CCNY: variants seen among roughly 807,000 people sequenced by gnomAD.
CCNY encodes the protein cyclin Y.
CCNY carries 19 observed loss-of-function variants against 42.8 expected under a neutral mutation model. The observed-to-expected ratio is 0.44, with a 90% CI of 0.31 to 0.65. The LOEUF (loss-of-function observed/expected upper bound fraction) is 0.65, where lower values mean the gene tolerates loss of function less well. Among genes scored for constraint, CCNY ranks in the 30% least tolerant of loss-of-function variants. CCNY has a pLI of 0.07. For synonymous variants in CCNY, 165 were observed against 162.7 expected (o/e 1.01, Z -0.11); for missense variants, 370 against 437.3 (o/e 0.85, Z 1.37).
At chr10:35,412,089 G>A (rs983246650) in intron 1 of CCNY, among the ~76,000 whole-genome samples, 1 of 152,136 alleles carries the variant, frequency 6.6e-6, no homozygotes, top group Admixed American at 6.5e-5. Flanking sequence ...GTGCAAGGTG[G>A]GGAAGATGCC....
At chr10:35,286,764 ATCT>A (rs1466474426) in intron 3 of CCNY, among the ~76,000 whole-genome samples, 1 of 150,242 alleles carries the variant, frequency 6.7e-6, no homozygotes, top group Non-Finnish European at 1.5e-5. Context: ...GGTTCAAGAG[ATCT>A]TCTCATCTCA....
At chr10:35,255,355 C>G (rs1474887808) in intron 3 of CCNY, among the ~76,000 whole-genome samples, 1 of 149,398 alleles carries the variant, frequency 6.7e-6, no homozygotes. Flanking sequence ...GAGTCCCGCT[C>G]TGTCACCCAG....
At chr10:35,294,860 T>TA (rs1346596000) in intron 3 of CCNY, among the ~76,000 whole-genome samples, 2 of 152,212 alleles carry the variant, frequency 1.3e-5, no homozygotes, top group African/African-American at 4.8e-5. Context: ...ACAAGTGAAG[T>TA]TACCTGGGCC....
intron 3 of CCNY, among the ~76,000 whole-genome samples, chr10:35,308,906 G>A (rs1198102896): frequency 6.6e-6 from 1 of 152,112 alleles, no homozygotes; most frequent in Non-Finnish European, 1.5e-5. Context: ...AATTAGAGAG[G>A]GAGGGTGAGA....
chr10:35,468,358 C>G (rs1359165386), intron 1 of CCNY, among the ~76,000 whole-genome samples: 1 of 152,146 alleles, frequency 6.6e-6, no homozygotes, highest in African/African-American at 2.4e-5. Context: ...TTTGGGGGGA[C>G]ACAAATATTC....
intron 7 of CCNY, among the ~76,000 whole-genome samples, chr10:35,532,854 C>T (rs536743481): frequency 2.6e-5 from 4 of 152,208 alleles, no homozygotes; most frequent in Non-Finnish European, 5.9e-5. Flanking sequence ...ATGAAAAGCT[C>T]ATTGCCTGTC....
chr10:35,501,644 G>T, intron 3 of CCNY, 109 bp downstream of exon 3: 2 of 950,220 alleles, frequency 2.1e-6, no homozygotes, highest in Non-Finnish European at 1.7e-6. Context: ...TAGATACTTG[G>T]AAGAATGTTG....
chr10:35,557,018 G>A (rs1029482048), intron 8 of CCNY, among the ~76,000 whole-genome samples: 7 of 151,966 alleles, frequency 4.6e-5, no homozygotes, highest in African/African-American at 1.2e-4. Flanking sequence ...CTAATTTTTG[G>A]TATTTTTAGT....
chr10:35,450,284 G>A (rs762790141), intron 1 of CCNY, among the ~76,000 whole-genome samples: 1 of 152,058 alleles, frequency 6.6e-6, no homozygotes, highest in Non-Finnish European at 1.5e-5. Context: ...TTGAGAGCAG[G>A]GAGTCCTTTT....
chr10:35,278,578 T>C (rs1203229218), intron 3 of CCNY, among the ~76,000 whole-genome samples: 1 of 152,122 alleles, frequency 6.6e-6, no homozygotes, highest in Non-Finnish European at 1.5e-5. Context: ...GAGGCATGTG[T>C]AGGCAGCTGA....
chr10:35,413,165 A>C lies in CCNY; in HGVS notation c.155-70239A>C, dbSNP rs148197299. ...GACACTTGGGAGCTAGATTAGAAGA[A>C]GCCAAGACTAGAATCGGGGAGATGA... On this transcript the variant is annotated intron_variant, in intron 1 of 9. Transcript: ENST00000374704. Among the ~76,000 whole-genome samples the C allele has an allele frequency of 4.4e-4, 67 of 152,308 alleles. 1 individual carries two copies. The East Asian group carries it at 0.011, about 25-fold the overall frequency.
chr10:35,256,742 A>AT (rs1305330310), intron 3 of CCNY, among the ~76,000 whole-genome samples: 1 of 119,106 alleles, frequency 8.4e-6, no homozygotes, highest in African/African-American at 3.7e-5. Flanking sequence ...AAAATAAAAC[A>AT]TTAAAAAAAA....
chr10:35,482,749 G>GGT (rs56033862), intron 1 of CCNY, among the ~76,000 whole-genome samples: 17,792 of 128,582 alleles, frequency 0.14, 1,261 homozygotes, highest in Non-Finnish European at 0.17. Context: ...GCTGGAAATA[G>GGT]GTGTGTGTGT....
chr10:35,457,519 TTA>T (rs1839063291), intron 1 of CCNY, among the ~76,000 whole-genome samples: 1 of 152,192 alleles, frequency 6.6e-6, no homozygotes, highest in African/African-American at 2.4e-5. Flanking sequence ...TAAAACAGAT[TTA>T]TATGTTTAAT....
chr10:35,566,297 A>G, intron 9 of CCNY, 112 bp downstream of exon 9: 1 of 1,086,870 alleles, frequency 9.2e-7, no homozygotes, highest in Non-Finnish European at 1.3e-6. Context: ...GATGTAAAAT[A>G]AAGATGAGCT....
intron 1 of CCNY, among the ~76,000 whole-genome samples, chr10:35,438,213 A>G (rs935627263): frequency 3.3e-5 from 5 of 151,180 alleles, no homozygotes; most frequent in African/African-American, 7.3e-5. Flanking sequence ...TAGTGGTGCA[A>G]TCACAGCTCA....
At chr10:35,324,305 T>G (rs556162368) in intron 3 of CCNY, among the ~76,000 whole-genome samples, 1 of 152,292 alleles carries the variant, frequency 6.6e-6, no homozygotes, top group South Asian at 2.1e-4. Context: ...ATGCCTTCCT[T>G]ACATCATCCA....
chr10:35,427,931 G>T (rs180888683), intron 1 of CCNY, among the ~76,000 whole-genome samples: 21 of 152,164 alleles, frequency 1.4e-4, no homozygotes, highest in African/African-American at 4.8e-4. Flanking sequence ...GTGCCACTTA[G>T]TCAGGACATC....
At chr10:35,525,925 T>C (rs1307177471) in intron 4 of CCNY, 39 bp from the exon 5 acceptor site, 1 of 1,592,016 alleles carries the variant, frequency 6.3e-7, no homozygotes. Context: ...GTCTTGAATA[T>C]GCTCATGGAC....
Sources: allele counts gnomAD v4.1 joint callset (sites outside exome capture counted in the v4.1 genomes callset), GRCh38; gene constraint gnomAD v4.1.1; transcripts MANE v1.5; gene names NCBI Gene and HGNC (gene_info 2026-07-23, HGNC 2026-07-21).